Variants in SHISA9 observed in about 807,000 individuals in gnomAD.
SHISA9 encodes the protein shisa family member 9.
In SHISA9, 13 loss-of-function variants were observed where a neutral mutation model predicts 38.0. The ratio of observed to expected loss-of-function variants is 0.34; its 90% CI spans 0.22 to 0.54. SHISA9 has a LOEUF of 0.54. Among genes scored for constraint, SHISA9 ranks in the 20% least tolerant of loss-of-function variants. The pLI, the probability that SHISA9 is intolerant of heterozygous loss-of-function variation, is 0.91. For missense variants in SHISA9, 538 were observed against 575.8 expected (o/e 0.93, Z 0.67); for synonymous variants, 275 against 242.0 (o/e 1.14, Z -1.27).
the SHISA9 span, among the ~76,000 whole-genome samples, chr16:13,399,556 C>G: frequency 6.6e-6 from 1 of 152,204 alleles, no homozygotes; most frequent in Non-Finnish European, 1.5e-5. Context: ...TCTCGTCACC[C>G]CTTCTAGCCA....
intron 2 of SHISA9, among the ~76,000 whole-genome samples, chr16:12,967,037 A>G (rs1452216638): frequency 6.6e-6 from 1 of 152,158 alleles, no homozygotes; most frequent in Non-Finnish European, 1.5e-5. Context: ...ATACCATTTG[A>G]CCCAGCCATC....
chr16:13,158,892 T>A (rs1318030122), intron 2 of SHISA9, among the ~76,000 whole-genome samples: 13 of 133,810 alleles, frequency 9.7e-5, no homozygotes, highest in Admixed American at 7.5e-5. Context: ...CCATCTCTAC[T>A]AAAAAAAAAA....
chr16:13,526,091 C>G, the SHISA9 span, among the ~76,000 whole-genome samples: 2 of 152,334 alleles, frequency 1.3e-5, no homozygotes, highest in East Asian at 1.9e-4. Context: ...CACTTTGATA[C>G]CATTTCAAAT....
chr16:13,470,062 T>G, the SHISA9 span, among the ~76,000 whole-genome samples: 3 of 152,232 alleles, frequency 2.0e-5, no homozygotes, highest in Admixed American at 2.0e-4. Flanking sequence ...TTTGATGCAT[T>G]TTTAAATCCT....
At chr16:13,024,286 A>G (rs911963644) in intron 2 of SHISA9, among the ~76,000 whole-genome samples, 8 of 152,186 alleles carry the variant, frequency 5.3e-5, no homozygotes, top group African/African-American at 1.9e-4. Flanking sequence ...AGCCCAGAAC[A>G]TCTCATTTGC....
At chr16:13,508,635 G>C in the SHISA9 span, among the ~76,000 whole-genome samples, 6 of 152,310 alleles carry the variant, frequency 3.9e-5, no homozygotes, top group East Asian at 1.2e-3. Flanking sequence ...AATGGGAATG[G>C]TGAAAAGATA....
chr16:13,342,321 G>C, the SHISA9 span, among the ~76,000 whole-genome samples: 3 of 151,524 alleles, frequency 2.0e-5, no homozygotes, highest in Non-Finnish European at 2.9e-5. Context: ...TTTTTTTTAA[G>C]ACAGAGTCCA....
At chr16:13,102,817 G>T (rs1370965315) in intron 2 of SHISA9, among the ~76,000 whole-genome samples, 1 of 152,048 alleles carries the variant, frequency 6.6e-6, no homozygotes, top group Admixed American at 6.6e-5. Context: ...TCGCTGTTCC[G>T]GGAAAAATAA....
At chr16:13,060,360 A>G (rs1316871017) in intron 2 of SHISA9, among the ~76,000 whole-genome samples, 2 of 151,646 alleles carry the variant, frequency 1.3e-5, no homozygotes, top group Non-Finnish European at 2.9e-5. Context: ...GAAATTCTCT[A>G]CTCTGCGTCT....
At chr16:13,197,104 T>TATATATACACACACAG (rs748572860) in intron 2 of SHISA9, among the ~76,000 whole-genome samples, 1 of 106,494 alleles carries the variant, frequency 9.4e-6, no homozygotes, top group Non-Finnish European at 1.9e-5. Flanking sequence ...TCTCTGTACA[T>TATATATACACACACAG]ACACACACAC....
intron 2 of SHISA9, among the ~76,000 whole-genome samples, chr16:13,093,166 C>T (rs140477082): frequency 6.6e-6 from 1 of 152,146 alleles, no homozygotes; most frequent in Non-Finnish European, 1.5e-5. Flanking sequence ...GCAGCCAGTT[C>T]AAGTGGCTGC....
chr16:13,361,069 A>G, the SHISA9 span, among the ~76,000 whole-genome samples: 23 of 152,158 alleles, frequency 1.5e-4, no homozygotes, highest in African/African-American at 2.4e-5. Context: ...TAGACACTCA[A>G]GCTCTGTTAA....
chr16:13,072,568 C>T (rs74012256), intron 2 of SHISA9, among the ~76,000 whole-genome samples: 3,567 of 152,292 alleles, frequency 0.023, 142 homozygotes, highest in African/African-American at 0.081. Flanking sequence ...GCAGCTCCTA[C>T]GCTTGCATGT....
chr16:13,501,872 C>T, the SHISA9 span, among the ~76,000 whole-genome samples: 2 of 151,974 alleles, frequency 1.3e-5, no homozygotes, highest in East Asian at 1.9e-4. Flanking sequence ...CATGGTGGCA[C>T]ATGCTTGTAA....
At chr16:13,204,202 G>GTCCGTCTA (rs762995375) in intron 3 of SHISA9, among the ~76,000 whole-genome samples, 14 of 111,388 alleles carry the variant, frequency 1.3e-4, no homozygotes, top group African/African-American at 4.3e-4. Flanking sequence ...CCTATTATCT[G>GTCCGTCTA]TCTGTCTGTC....
At chr16:13,379,315 T>C in the SHISA9 span, among the ~76,000 whole-genome samples, 1 of 152,230 alleles carries the variant, frequency 6.6e-6, no homozygotes, top group Non-Finnish European at 1.5e-5. Context: ...TAATGCTGCA[T>C]ATTAAAATGC....
chr16:13,157,572 T>G (rs1344686582), intron 2 of SHISA9, among the ~76,000 whole-genome samples: 1 of 152,218 alleles, frequency 6.6e-6, no homozygotes, highest in Non-Finnish European at 1.5e-5. Flanking sequence ...TAAAACAGGA[T>G]GTGGTACATA....
At chr16:13,017,499 A>G (rs1231475708) in intron 2 of SHISA9, among the ~76,000 whole-genome samples, 1 of 152,218 alleles carries the variant, frequency 6.6e-6, no homozygotes, top group Non-Finnish European at 1.5e-5. Context: ...CTAAACTGGG[A>G]TTCCCATTTA....
At chr16:13,524,758 G>A in the SHISA9 span, among the ~76,000 whole-genome samples, 1 of 151,714 alleles carries the variant, frequency 6.6e-6, no homozygotes, top group Admixed American at 6.6e-5. Context: ...TAAGAGATAG[G>A]GTCTTGCTAT....
Sources: gnomAD v4.1 joint callset for allele counts (sites outside exome capture counted in the v4.1 genomes callset) on GRCh38, gnomAD v4.1.1 for gene constraint, MANE v1.5 for transcripts, NCBI Gene and HGNC (gene_info 2026-07-23, HGNC 2026-07-21) for gene names.